Variants in PATJ observed in about 807,000 individuals in gnomAD.
The protein encoded by PATJ is PATJ crumbs cell polarity complex component, also known as inaD-like protein.
PATJ carries 190 observed loss-of-function variants against 224.9 expected under a neutral mutation model. The observed-to-expected ratio is 0.84, with a 90% CI of 0.75 to 0.95. The LOEUF (loss-of-function observed/expected upper bound fraction) is 0.95. Among genes scored for constraint, PATJ ranks in the 40% least tolerant of loss-of-function variants. The probability of loss-of-function intolerance (pLI) is 0.00; values close to 1 mark genes in which losing one functional copy is unlikely to be tolerated. For missense variants in PATJ, 2,121 were observed against 2,270.3 expected (o/e 0.93, Z 1.34); for synonymous variants, 769 against 820.3 (o/e 0.94, Z 1.07).
At chr1:62,138,324 T>C (rs1018450847) in intron 41 of PATJ, among the ~76,000 whole-genome samples, 11 of 152,100 alleles carry the variant, frequency 7.2e-5, no homozygotes, top group African/African-American at 2.7e-4. Flanking sequence ...GTTTGTTTGT[T>C]TGAGACAGAG....
chr1:62,123,993 A>T (rs1348191661), intron 39 of PATJ, among the ~76,000 whole-genome samples: 1 of 152,104 alleles, frequency 6.6e-6, no homozygotes, highest in Non-Finnish European at 1.5e-5. Context: ...TTTTGAGAAG[A>T]TTATATAAGA....
chr1:61,871,074 T>C (rs1436287902), intron 20 of PATJ, among the ~76,000 whole-genome samples: 1 of 150,050 alleles, frequency 6.7e-6, no homozygotes, highest in Non-Finnish European at 1.5e-5. Flanking sequence ...GTTTTTGTTT[T>C]TTTTGTTTTT....
chr1:61,939,676 C>CTT (rs71050183), intron 27 of PATJ, among the ~76,000 whole-genome samples: 5,453 of 58,722 alleles, frequency 0.093, 1,907 homozygotes, highest in Non-Finnish European at 0.12. Context: ...TTTCTATGTG[C>CTT]TTTTTTTTTT....
intron 33 of PATJ, among the ~76,000 whole-genome samples, chr1:62,089,783 C>T (rs1297850782): frequency 2.0e-5 from 3 of 151,948 alleles, no homozygotes; most frequent in African/African-American, 7.3e-5. Context: ...AGAAAGTTAG[C>T]AAACAAAGAT....
intron 22 of PATJ, among the ~76,000 whole-genome samples, chr1:61,897,786 G>A (rs1418445933): frequency 1.5e-5 from 2 of 133,034 alleles, no homozygotes; most frequent in African/African-American, 5.3e-5. Context: ...TAAAAGAGGG[G>A]TTATGTATTT....
chr1:62,047,584 C>T (rs1652798838), intron 30 of PATJ, among the ~76,000 whole-genome samples: 1 of 152,182 alleles, frequency 6.6e-6, no homozygotes, highest in South Asian at 2.1e-4. Flanking sequence ...ACTTGGCCAC[C>T]GTAACCTCGC....
At chr1:61,878,110 TGTA>T in intron 21 of PATJ, among the ~76,000 whole-genome samples, 1 of 152,198 alleles carries the variant, frequency 6.6e-6, no homozygotes, top group Non-Finnish European at 1.5e-5. Context: ...AACTTAGTGG[TGTA>T]GTTTAACAGA....
At chr1:61,932,583 A>T (rs2149308702) in intron 27 of PATJ, among the ~76,000 whole-genome samples, 1 of 152,340 alleles carries the variant, frequency 6.6e-6, no homozygotes, top group Admixed American at 6.5e-5. Context: ...ATGAGGAAGA[A>T]GAGAAAGAGG....
At chr1:61,799,166 A>G (rs1651950603) in intron 11 of PATJ, among the ~76,000 whole-genome samples, 1 of 152,184 alleles carries the variant, frequency 6.6e-6, no homozygotes, top group Admixed American at 6.5e-5. Flanking sequence ...TACAAATGCC[A>G]TTAAAAAAAT....
chr1:61,869,201 G>C (rs1200632619), intron 20 of PATJ, among the ~76,000 whole-genome samples: 2 of 146,632 alleles, frequency 1.4e-5, no homozygotes, highest in African/African-American at 5.2e-5. Context: ...CCGCCTCCCG[G>C]GTTCACGCCA....
chr1:61,748,588 C>G (rs1205824174), intron 1 of PATJ, among the ~76,000 whole-genome samples: 1 of 152,026 alleles, frequency 6.6e-6, no homozygotes, highest in African/African-American at 2.4e-5. Flanking sequence ...AATTATAGGT[C>G]CTCTCTATAA....
chr1:61,850,650 G>C (rs1662672588), intron 17 of PATJ, among the ~76,000 whole-genome samples: 1 of 152,242 alleles, frequency 6.6e-6, no homozygotes, highest in African/African-American at 2.4e-5. Context: ...TTAAGTTAGA[G>C]AAGCAGCATT....
chr1:61,946,629 A>C (rs1342573349), intron 27 of PATJ, among the ~76,000 whole-genome samples: 1 of 152,222 alleles, frequency 6.6e-6, no homozygotes, highest in Non-Finnish European at 1.5e-5. Context: ...GCCGAATTCT[A>C]CCAGAGGTAC....
chr1:61,967,684 C>T (rs1351777712), intron 27 of PATJ, among the ~76,000 whole-genome samples: 3 of 152,098 alleles, frequency 2.0e-5, no homozygotes, highest in Middle Eastern at 3.2e-3. Flanking sequence ...TAAAGGTAAC[C>T]GTCACTCAAA....
intron 28 of PATJ, among the ~76,000 whole-genome samples, chr1:62,009,629 A>C (rs530814893): frequency 2.8e-4 from 42 of 152,316 alleles, no homozygotes; most frequent in African/African-American, 9.6e-4. Context: ...AAGATTTCTC[A>C]GTAACATCGG....
chr1:62,036,744 TGCCTGTAATCCCA>T (rs1650452625), intron 29 of PATJ, among the ~76,000 whole-genome samples: 1 of 151,312 alleles, frequency 6.6e-6, no homozygotes, highest in Admixed American at 6.6e-5. Context: ...TGGTGGCACA[TGCCTGTAATCCCA>T]GCTACTCCGG....
intron 31 of PATJ, among the ~76,000 whole-genome samples, chr1:62,075,972 A>C (rs1280609719): frequency 6.6e-6 from 1 of 152,024 alleles, no homozygotes; most frequent in African/African-American, 2.4e-5. Context: ...TGATACAACT[A>C]CAAGGGTGTT....
chr1:62,113,964 T>G, intron 34 of PATJ, 89 bp from the exon 35 acceptor site: 2 of 1,296,252 alleles, frequency 1.5e-6, no homozygotes, highest in Middle Eastern at 2.4e-4. Context: ...CTAGAGATTC[T>G]TTACTGGTTA....
intron 31 of PATJ, among the ~76,000 whole-genome samples, chr1:62,065,210 C>T (rs1291491100): frequency 6.6e-6 from 1 of 152,118 alleles, no homozygotes; most frequent in Non-Finnish European, 1.5e-5. Flanking sequence ...TATTCTCTTC[C>T]TCTCACTGTA....
Sources: allele counts gnomAD v4.1 joint callset (sites outside exome capture counted in the v4.1 genomes callset), GRCh38; gene constraint gnomAD v4.1.1; transcripts MANE v1.5; gene names NCBI Gene and HGNC (gene_info 2026-07-23, HGNC 2026-07-21).